BRWD1: variants seen among roughly 807,000 people sequenced by gnomAD.
BRWD1 encodes bromodomain and WD repeat-containing protein 1.
Under a neutral mutation model 251.2 loss-of-function variants are expected in BRWD1, and 82 were observed. The ratio of observed to expected loss-of-function variants is 0.33; its 90% confidence interval spans 0.27 to 0.39. BRWD1 has a LOEUF of 0.39. Among genes scored for constraint, BRWD1 ranks in the 10% least tolerant of loss-of-function variants. The pLI, the probability that BRWD1 is intolerant of heterozygous loss-of-function variation, is 1.00. For missense variants in BRWD1, 2,233 were observed against 2,711.6 expected, an observed-to-expected ratio of 0.82 and a Z score of 3.92; for synonymous variants, 918 against 902.8, an observed-to-expected ratio of 1.02 and a Z score of -0.30.
chr21:39,281,572 G>A (rs2035457729), intron 8 of BRWD1, among the ~76,000 whole-genome samples: 3 of 152,326 alleles, frequency 2.0e-5, no homozygotes, highest in East Asian at 3.9e-4. Flanking sequence ...ACACACGGCT[G>A]TGATCCCAGT....
At chr21:39,185,293 G>T (rs1485540749), downstream of BRWD1, 3 of 17,496 alleles carry the variant, frequency 1.7e-4, no homozygotes, top group South Asian at 1.4e-3. Context: ...CACTGAAATT[G>T]CTAAAAAAAA....
intron 38 of BRWD1, among the ~76,000 whole-genome samples, chr21:39,200,923 GC>G (rs199733833): frequency 0.015 from 2,318 of 152,286 alleles, 57 homozygotes; most frequent in African/African-American, 0.053. Context: ...GGGGAAGGTA[GC>G]AGTGAGCCAA....
At chr21:39,208,047 G>A (rs2032488654) in intron 36 of BRWD1, among the ~76,000 whole-genome samples, 1 of 152,136 alleles carries the variant, frequency 6.6e-6, no homozygotes, top group South Asian at 2.1e-4. Context: ...GTGGAATGAT[G>A]AAAAGGTTTT....
intron 4 of BRWD1, among the ~76,000 whole-genome samples, chr21:39,305,866 G>GA (rs368458821): frequency 0.9 from 119,122 of 131,942 alleles, 53,826 homozygotes; most frequent in Middle Eastern, 0.95. Context: ...GTCTCAAAAA[G>GA]AAAAAAAAAA....
intron 17 of BRWD1, among the ~76,000 whole-genome samples, chr21:39,261,575 TATCTC>T (rs1320886512): frequency 2.0e-5 from 3 of 152,144 alleles, no homozygotes; most frequent in Non-Finnish European, 2.9e-5. Context: ...AAAAAATAAA[TATCTC>T]AGTATTGTTA....
chr21:39,193,663 C>A lies in BRWD1; in HGVS notation c.*2596G>T. 2 of 985,476 alleles carry A rather than the reference C, an allele frequency of 2.0e-6. No individual in the cohort carries two copies. The highest frequency in any genetic ancestry group is 2.4e-6 in the Non-Finnish European group (2 of 829,694). The allele number at this position is 985,476 out of a possible 1,614,324, so 61.0% of individuals were successfully genotyped here. ...CTTCAAGTGCAGTGGAAAGGTACAG[C>A]ACTTATTTCTGGATCAGTTCACATT... is the stretch of plus-strand genomic sequence containing the variant. On this transcript the variant is annotated 3_prime_UTR_variant, in exon 41 of 41. Coordinates refer to ENST00000342449, the MANE Select transcript of BRWD1 (RefSeq NM_033656.4).
At chr21:39,299,756 C>G (rs569145003) in intron 4 of BRWD1, among the ~76,000 whole-genome samples, 3 of 151,690 alleles carry the variant, frequency 2.0e-5, no homozygotes, top group Admixed American at 6.6e-5. Context: ...AGGTGGATCA[C>G]TAGAGGTCAA....
chr21:39,254,163 G>A (rs2034488258), intron 19 of BRWD1, among the ~76,000 whole-genome samples: 1 of 152,220 alleles, frequency 6.6e-6, no homozygotes, highest in Non-Finnish European at 1.5e-5. Flanking sequence ...CTACTCGGGA[G>A]GCTGAGGCAG....
chr21:39,313,864 A>T, upstream of BRWD1: 1 of 338,438 alleles, frequency 3.0e-6, no homozygotes, highest in Non-Finnish European at 5.6e-6. Flanking sequence ...GCGTGGTCCG[A>T]ATCCCTGCGC....
At chr21:39,291,282 T>TA (rs1040040690) in intron 8 of BRWD1, among the ~76,000 whole-genome samples, 2 of 152,130 alleles carry the variant, frequency 1.3e-5, no homozygotes, top group African/African-American at 2.4e-5. Flanking sequence ...TGAATGTGCA[T>TA]AAAAAAATTG....
Position 39,189,065 on chromosome 21 carries a change from A to G in BRWD1, c.*7194T>C. On this transcript the variant is annotated 3_prime_UTR_variant, in exon 41 of 41. Transcript: ENST00000342449. ...AAATTATGAACTAGTATCTCCAACA[A>G]GTCAACCCTATATCCAAAATGAATC... 1 of 984,424 alleles carries G rather than the reference A, an allele frequency of 1.0e-6. No individual in the cohort carries two copies. Among genetic ancestry groups the G allele is most frequent in the African/African-American group, 1.7e-5 (1 of 57,336 alleles). 61.0% of individuals were successfully genotyped at this position (984,424 alleles called of 1,614,324 possible). A position where few individuals can be genotyped will look rare whatever the true frequency, so the allele number is the denominator to read the frequency against.
intron 8 of BRWD1, among the ~76,000 whole-genome samples, chr21:39,284,392 T>C (rs1260197295): frequency 6.6e-6 from 1 of 152,170 alleles, no homozygotes; most frequent in African/African-American, 2.4e-5. Flanking sequence ...GGCAGGAGGA[T>C]GACTTGAGCT....
intron 37 of BRWD1, among the ~76,000 whole-genome samples, chr21:39,203,182 C>T (rs1175132098): frequency 6.6e-6 from 1 of 152,044 alleles, no homozygotes; most frequent in Non-Finnish European, 1.5e-5. Context: ...AAGAAATGGC[C>T]GAACATGCCT....
chr21:39,250,728 A>G, intron 20 of BRWD1, 68 bp downstream of exon 20: 1 of 1,019,106 alleles, frequency 9.8e-7, no homozygotes, highest in Non-Finnish European at 1.4e-6. Context: ...ATAGTTTTAT[A>G]AATCAAAAAG....
At chr21:39,240,096 G>C (rs2033938791) in intron 21 of BRWD1, among the ~76,000 whole-genome samples, 1 of 151,912 alleles carries the variant, frequency 6.6e-6, no homozygotes, top group South Asian at 2.1e-4. Flanking sequence ...GCCATGAGAA[G>C]GCATGTAGGA....
At position 39,295,195 on chromosome 21, in the gene BRWD1, T is replaced by G. The variant is rs889393161; in HGVS notation, c.609+548A>C. Among the ~76,000 whole-genome samples, 11 of 136,342 alleles carry G rather than the reference T, an allele frequency of 8.1e-5. 1 individual carries two copies. Among genetic ancestry groups the G allele is most frequent in the African/African-American group, 2.7e-4 (10 of 36,608 alleles). The allele number at this position is 136,342 out of a possible 152,430, so 89.4% of individuals were successfully genotyped here. ...TCTATGTTTTTTTTTTTTTTTTTTTTTTTTTTTTTGAGACGGAATCTCGCT... is the reference window on the plus strand; with the variant it reads ...TCTATGTTTTTTTTTTTTTTTTTTTGTTTTTTTTTGAGACGGAATCTCGCT... On this transcript the variant is annotated intron_variant, in intron 7 of 40. Transcript: ENST00000342449.
rs560329598 is a variant in BRWD1 at position 39,200,029 on chromosome 21, A to G, written c.4753+190T>C. 4.6e-3 allele frequency among the ~76,000 whole-genome samples: 708 copies of G among 152,340 alleles called. 10 individuals are homozygous for G. Among genetic ancestry groups the G allele is most frequent in the African/African-American group, 0.017 (689 of 41,584 alleles). On this transcript the variant is annotated intron_variant, in intron 39 of 40. Coordinates refer to ENST00000342449, the MANE Select transcript of BRWD1 (RefSeq NM_033656.4). ...CAGCCTCCCAAAGTGCTGGGATTAT[A>G]GGCGTGAGCCACCGCACCCAGCCTT...
intron 23 of BRWD1, among the ~76,000 whole-genome samples, chr21:39,233,126 A>G (rs1325383231): frequency 6.6e-6 from 1 of 152,076 alleles, no homozygotes; most frequent in Non-Finnish European, 1.5e-5. Context: ...TGAGTTGAAA[A>G]TCAACACTCA....
intron 31 of BRWD1, chr21:39,217,606 G>C (rs924707530): frequency 6.4e-6 from 1 of 155,658 alleles, no homozygotes; most frequent in African/African-American, 2.4e-5. Context: ...GGGAGCAGTA[G>C]CCCCCCTGTT....
Sources: allele counts gnomAD v4.1 joint callset (sites outside exome capture counted in the v4.1 genomes callset), GRCh38; gene constraint gnomAD v4.1.1; transcripts MANE v1.5; gene names NCBI Gene and HGNC (gene_info 2026-07-23, HGNC 2026-07-21).